The following AMPH variants were observed in gnomAD, a reference collection of about 807,000 sequenced individuals.
AMPH encodes amphiphysin (Stiff-Mann syndrome with breast cancer 128kD autoantigen).
In AMPH, 49 loss-of-function variants were observed where a neutral mutation model predicts 99.1. The ratio of observed to expected loss-of-function variants is 0.49; its 90% CI spans 0.39 to 0.63. The LOEUF (loss-of-function observed/expected upper bound fraction) is 0.63, where lower values mean the gene tolerates loss of function less well. Ranked by LOEUF, AMPH falls within the 20% of genes least tolerant of loss-of-function variation. AMPH has a pLI of 0.00. For synonymous variants in AMPH, 314 were observed against 317.3 expected, an observed-to-expected ratio of 0.99 and a Z score of 0.11; for missense variants, 759 against 863.4, an observed-to-expected ratio of 0.88 and a Z score of 1.52.
At chr7:38,465,348 G>T in intron 9 of AMPH, 119 bp downstream of exon 9, 1 of 791,924 alleles carries the variant, frequency 1.3e-6, no homozygotes, top group Non-Finnish European at 1.9e-6. Context: ...TCAGCTTCTA[G>T]GGTGAAAAGG....
At chr7:38,394,568 C>T (rs1193275048) in intron 17 of AMPH, among the ~76,000 whole-genome samples, 1 of 152,120 alleles carries the variant, frequency 6.6e-6, no homozygotes, top group African/African-American at 2.4e-5. Context: ...ACAAATGAGG[C>T]CTTAGGGGAG....
chr7:38,562,585 A>G (rs533191993), intron 1 of AMPH, among the ~76,000 whole-genome samples: 5 of 152,022 alleles, frequency 3.3e-5, no homozygotes, highest in Admixed American at 6.6e-5. Context: ...TAAGACTCAC[A>G]GTCTCAGCCT....
chr7:38,550,886 T>C (rs1791157844), intron 1 of AMPH, among the ~76,000 whole-genome samples: 1 of 152,202 alleles, frequency 6.6e-6, no homozygotes. Flanking sequence ...GTGGAATCAT[T>C]CTGATTAGTC....
Position 38,432,487 on chromosome 7 carries a change from T to A in AMPH, c.1135-275A>T, listed in dbSNP as rs570651075. On this transcript the variant is annotated intron_variant, in intron 12 of 20. Coordinates refer to ENST00000356264, the MANE Select transcript of AMPH (RefSeq NM_001635.4). ...TAATTGTATTATACTTAATATAAGC[T>A]TAAATGGCACTTAGCTTTGGATAGC... 5.9e-5 allele frequency among the ~76,000 whole-genome samples: 9 copies of A among 152,268 alleles called. No homozygotes were observed. In the East Asian group the frequency reaches 1.7e-3, roughly 29 times the overall value.
intron 11 of AMPH, among the ~76,000 whole-genome samples, chr7:38,441,849 AT>A (rs1486881393): frequency 2.0e-5 from 2 of 100,300 alleles, no homozygotes; most frequent in Admixed American, 1.1e-4. Flanking sequence ...TATCATATAT[AT>A]CATATATATC....
intron 11 of AMPH, among the ~76,000 whole-genome samples, chr7:38,459,365 CAA>C (rs1787354327): frequency 6.6e-6 from 1 of 151,800 alleles, no homozygotes; most frequent in South Asian, 2.1e-4. Flanking sequence ...TGTATGAAAC[CAA>C]AAAAAGAGCC....
intron 11 of AMPH, among the ~76,000 whole-genome samples, chr7:38,444,847 A>C (rs1246023006): frequency 6.6e-6 from 1 of 152,014 alleles, no homozygotes; most frequent in Non-Finnish European, 1.5e-5. Context: ...CTGAAAAAGA[A>C]CAAAGTTGAA....
At chr7:38,484,705 TAC>T (rs1381161028) in intron 5 of AMPH, among the ~76,000 whole-genome samples, 3 of 152,062 alleles carry the variant, frequency 2.0e-5, no homozygotes, top group Non-Finnish European at 2.9e-5. Context: ...AATACTTTAT[TAC>T]TGTAACAGTG....
chr7:38,589,964 C>T (rs1313610942), intron 1 of AMPH, among the ~76,000 whole-genome samples: 1 of 152,088 alleles, frequency 6.6e-6, no homozygotes, highest in African/African-American at 2.4e-5. Context: ...TCTTGTTGCT[C>T]GAAATAAAAT....
intron 11 of AMPH, among the ~76,000 whole-genome samples, chr7:38,437,064 T>C (rs1786295579): frequency 6.6e-6 from 1 of 152,140 alleles, no homozygotes; most frequent in Non-Finnish European, 1.5e-5. Context: ...TATTTTTGGA[T>C]TAGAAAGAAG....
At chr7:38,519,227 G>A (rs1342617377) in intron 2 of AMPH, among the ~76,000 whole-genome samples, 3 of 152,190 alleles carry the variant, frequency 2.0e-5, no homozygotes, top group African/African-American at 7.2e-5. Context: ...CCACTCTGTG[G>A]TATTCTGCTA....
chr7:38,629,891 C>T (rs1794396381), intron 1 of AMPH, among the ~76,000 whole-genome samples: 1 of 152,168 alleles, frequency 6.6e-6, no homozygotes, highest in Non-Finnish European at 1.5e-5. Flanking sequence ...CACTTTAGTT[C>T]AGGATGAGCT....
intron 11 of AMPH, among the ~76,000 whole-genome samples, chr7:38,442,130 G>GA (rs1483720213): frequency 4.6e-5 from 7 of 151,958 alleles, no homozygotes; most frequent in African/African-American, 1.7e-4. Flanking sequence ...GAGAGGATCA[G>GA]AAAAAATAGC....
intron 1 of AMPH, among the ~76,000 whole-genome samples, chr7:38,610,602 A>G (rs539675086): frequency 1.6e-4 from 24 of 152,062 alleles, no homozygotes; most frequent in African/African-American, 5.3e-4. Flanking sequence ...TACTTGCACT[A>G]TCTACTAATC....
rs1203816610 is a variant in AMPH, at chr7:38,451,357, CACGTATATAT to C, written c.1017+9916_1017+9925del. ...TATATATACATATATACGTTATATA[CACGTATATAT>C]ATGTGTATATACACATGTATATATA... On this transcript the variant is annotated intron_variant, in intron 11 of 20. Transcript: ENST00000356264. Among the ~76,000 whole-genome samples, 103 of 150,552 alleles carry C rather than the reference CACGTATATAT, an allele frequency of 6.8e-4. No individual in the cohort carries two copies. In the East Asian group the frequency reaches 9.0e-3, roughly 13 times the overall value.
intron 1 of AMPH, among the ~76,000 whole-genome samples, chr7:38,604,551 G>A (rs1401328851): frequency 6.6e-6 from 1 of 152,214 alleles, no homozygotes; most frequent in African/African-American, 2.4e-5. Context: ...TTGGGATCCT[G>A]GCTCAGCCAT....
intron 1 of AMPH, among the ~76,000 whole-genome samples, chr7:38,595,525 G>A (rs1793020178): frequency 6.6e-6 from 1 of 152,172 alleles, no homozygotes; most frequent in South Asian, 2.1e-4. Flanking sequence ...GGAGTTTTAG[G>A]ACAAATATCA....
At chr7:38,408,750 CAA>C (rs66957354) in intron 17 of AMPH, among the ~76,000 whole-genome samples, 66,234 of 100,482 alleles carry the variant, frequency 0.66, 19,145 homozygotes, top group Middle Eastern at 0.74. Flanking sequence ...GACTCCATCA[CAA>C]AAAAAAAAAA....
At chr7:38,527,534 T>C (rs1790232718) in intron 2 of AMPH, among the ~76,000 whole-genome samples, 1 of 152,240 alleles carries the variant, frequency 6.6e-6, no homozygotes, top group African/African-American at 2.4e-5. Flanking sequence ...TTAATTTTGA[T>C]TTCCACATGT....
Sources: gnomAD v4.1 joint callset for allele counts (sites outside exome capture counted in the v4.1 genomes callset) on GRCh38, gnomAD v4.1.1 for gene constraint, MANE v1.5 for transcripts, NCBI Gene and HGNC (gene_info 2026-07-23, HGNC 2026-07-21) for gene names.